Variants in FXYD6 observed in about 807,000 individuals in gnomAD.
FXYD6 encodes the protein FXYD domain-containing ion transport regulator 6.
Under a neutral mutation model 16.7 loss-of-function variants are expected in FXYD6, and 7 were observed. That is an observed-to-expected ratio of 0.42 (90% CI 0.24 to 0.79). The LOEUF (loss-of-function observed/expected upper bound fraction) is 0.79, where lower values mean the gene tolerates loss of function less well. Among genes scored for constraint, FXYD6 ranks in the 30% least tolerant of loss-of-function variants. The pLI, the probability that FXYD6 is intolerant of heterozygous loss-of-function variation, is 0.28. For synonymous variants in FXYD6, 49 were observed against 43.0 expected, an observed-to-expected ratio of 1.14 and a Z score of -0.54; for missense variants, 111 against 116.2, an observed-to-expected ratio of 0.95 and a Z score of 0.21.
At chr11:117,841,562 G>A (rs2056344458) in intron 4 of FXYD6, 13 of 608,506 alleles carry the variant, frequency 2.1e-5, no homozygotes, top group South Asian at 9.8e-5. Flanking sequence ...CACCCTGCTC[G>A]TTCCTATCTA....
chr11:117,853,003 G>C (rs767886304), intron 1 of FXYD6, among the ~76,000 whole-genome samples: 40 of 152,188 alleles, frequency 2.6e-4, no homozygotes, highest in Non-Finnish European at 1.2e-4. Flanking sequence ...ATTTGTGTTA[G>C]TCTTTGTTGT....
intron 2 of FXYD6, 76 bp downstream of exon 2, chr11:117,842,643 G>A (rs1423181202): frequency 4.1e-6 from 6 of 1,460,396 alleles, no homozygotes; most frequent in African/African-American, 1.4e-5. Flanking sequence ...TGTCCCAAGG[G>A]GCCCAGAACC....
At chr11:117,859,561 A>T (rs542593197) in intron 1 of FXYD6, among the ~76,000 whole-genome samples, 1 of 152,312 alleles carries the variant, frequency 6.6e-6, no homozygotes, top group East Asian at 1.9e-4. Flanking sequence ...TAGTGCTTTA[A>T]ATGCTTATTC....
intron 1 of FXYD6, among the ~76,000 whole-genome samples, chr11:117,857,410 ATT>A (rs66790457): frequency 7.2e-6 from 1 of 138,424 alleles, no homozygotes; most frequent in Non-Finnish European, 1.5e-5. Flanking sequence ...AAAGAAGTGG[ATT>A]TTTTTTTTTT....
chr11:117,857,350 C>T (rs2056756382), intron 1 of FXYD6, among the ~76,000 whole-genome samples: 1 of 151,442 alleles, frequency 6.6e-6, no homozygotes, highest in Non-Finnish European at 1.5e-5. Context: ...TAAGGTTAGA[C>T]TAAGAATGAA....
intron 1 of FXYD6, among the ~76,000 whole-genome samples, chr11:117,857,775 T>C (rs1314407245): frequency 6.6e-6 from 1 of 151,302 alleles, no homozygotes; most frequent in African/African-American, 2.4e-5. Context: ...AGGGGGAGAG[T>C]GGTCTGATCT....
intron 1 of FXYD6, among the ~76,000 whole-genome samples, chr11:117,875,365 G>A (rs547683680): frequency 6.6e-6 from 1 of 152,120 alleles, no homozygotes; most frequent in Admixed American, 6.5e-5. Context: ...GGGTGTAGGA[G>A]CCAGATATCT....
intron 1 of FXYD6, among the ~76,000 whole-genome samples, chr11:117,848,608 T>C (rs2056532106): frequency 6.6e-6 from 1 of 152,234 alleles, no homozygotes; most frequent in African/African-American, 2.4e-5. Flanking sequence ...ATTCGAATTA[T>C]CTGTTCTTTG....
intron 1 of FXYD6, among the ~76,000 whole-genome samples, chr11:117,849,715 T>C (rs1194074252): frequency 6.6e-6 from 1 of 152,094 alleles, no homozygotes; most frequent in South Asian, 2.1e-4. Context: ...ATTTTATTTT[T>C]TTTCCTTTTT....
intron 1 of FXYD6, among the ~76,000 whole-genome samples, chr11:117,847,835 G>A (rs925658344): frequency 2.0e-5 from 3 of 152,198 alleles, no homozygotes; most frequent in Admixed American, 2.0e-4. Context: ...ACGTGTGCAT[G>A]TGTCTTTGTA....
At chr11:117,848,071 T>A (rs1385773345) in intron 1 of FXYD6, among the ~76,000 whole-genome samples, 1 of 152,216 alleles carries the variant, frequency 6.6e-6, no homozygotes, top group East Asian at 1.9e-4. Flanking sequence ...TGGTGTGAGA[T>A]GGTATCTCAT....
intron 1 of FXYD6, among the ~76,000 whole-genome samples, chr11:117,843,312 T>A (rs565968515): frequency 6.6e-6 from 1 of 152,310 alleles, no homozygotes; most frequent in South Asian, 2.1e-4. Context: ...TAGCAAGCAC[T>A]ACAACTAACG....
rs572974304 is a variant in FXYD6, at chr11:117,837,968, A to G, written c.*331T>C. 101 of 538,346 alleles carry G rather than the reference A, an allele frequency of 1.9e-4. 1 individual carries two copies. The East Asian group carries it at 3.0e-3, about 16-fold the overall frequency. 33.3% of individuals were successfully genotyped at this position (538,346 alleles called of 1,614,324 possible). A position where few individuals can be genotyped will look rare whatever the true frequency, so the allele number is the denominator to read the frequency against. Reference sequence around the variant, plus strand: ...AGCCCCTGCCTGGGAAAGCGAGTCCACAGTTCACTAACAAACACAATACCA... The same window carrying G: ...AGCCCCTGCCTGGGAAAGCGAGTCCGCAGTTCACTAACAAACACAATACCA... On this transcript the variant is annotated 3_prime_UTR_variant, in exon 8 of 8. Transcript: ENST00000526014. This position sits in a 1 kb window ranked among gnomAD's most constrained non-coding sequence, Gnocchi z 4.4.
At chr11:117,863,346 G>GA (rs538692123) in intron 1 of FXYD6, among the ~76,000 whole-genome samples, 23 of 151,220 alleles carry the variant, frequency 1.5e-4, no homozygotes, top group East Asian at 3.9e-4. Flanking sequence ...AAAACGGAGG[G>GA]AAAAAAAACC....
At chr11:117,868,843 A>G (rs185686035) in intron 1 of FXYD6, 1 of 152,274 alleles carries the variant, frequency 6.6e-6, no homozygotes. Flanking sequence ...TAAAAATTCA[A>G]AAATTCAGTT....
At position 117,840,348 on chromosome 11, in the gene FXYD6, G is replaced by C; in HGVS notation, c.230C>G (p.Ala77Gly). The C allele has an allele frequency of 6.2e-7, 1 of 1,614,152 alleles. No homozygotes were observed. Residue 77 changes from alanine to glycine, a missense_variant, in exon 6 of 8, where the codon GCC becomes GGC. Coordinates refer to ENST00000526014, the MANE Select transcript of FXYD6 (RefSeq NM_022003.4). ...QKPRAPGDEE[A>G]QVENLITANA... ...GGCGGTGATGAGGTTCTCCACCTGGGCTTCCTCATCTCCTGGGGCCCTGCA... is the reference window on the plus strand; with the variant it reads ...GGCGGTGATGAGGTTCTCCACCTGGCCTTCCTCATCTCCTGGGGCCCTGCA...
intron 1 of FXYD6, among the ~76,000 whole-genome samples, chr11:117,865,654 G>A (rs1228342824): frequency 2.0e-5 from 3 of 151,712 alleles, no homozygotes; most frequent in Non-Finnish European, 4.4e-5. Context: ...GGCCAGGCAC[G>A]GTGGGTCATG....
At chr11:117,873,944 TCTCC>T (rs1357489728) in intron 1 of FXYD6, among the ~76,000 whole-genome samples, 2 of 151,882 alleles carry the variant, frequency 1.3e-5, no homozygotes, top group Non-Finnish European at 2.9e-5. Context: ...GACCAAAGGC[TCTCC>T]CTCCATAGGT....
chr11:117,864,171 G>A (rs1029469968), intron 1 of FXYD6, among the ~76,000 whole-genome samples: 3 of 152,168 alleles, frequency 2.0e-5, no homozygotes, highest in African/African-American at 7.2e-5. Flanking sequence ...AAAGCTGAAG[G>A]ACTCAAGCTT....
Sources: gnomAD v4.1 joint callset for allele counts (sites outside exome capture counted in the v4.1 genomes callset) on GRCh38, gnomAD v4.1.1 for gene constraint, Gnocchi (gnomAD v3.1) non-coding constraint, MANE v1.5 for transcripts, NCBI Gene and HGNC (gene_info 2026-07-23, HGNC 2026-07-21) for gene names.